Variants in SLC23A2 observed in about 807,000 individuals in gnomAD.
SLC23A2 encodes Na(+)/L-ascorbic acid transporter 2.
SLC23A2 carries 36 observed loss-of-function variants against 73.3 expected under a neutral mutation model. The observed-to-expected ratio is 0.49, with a 90% CI of 0.38 to 0.65. The LOEUF is 0.65. SLC23A2 is among the 30% of genes least tolerant of loss of function. The pLI is 0.00. For synonymous variants in SLC23A2, 343 were observed against 327.3 expected (o/e 1.05, Z -0.52); for missense variants, 507 against 841.6 (o/e 0.60, Z 4.92).
At chr20:4,990,703 C>G (rs1005205865) in intron 1 of SLC23A2, among the ~76,000 whole-genome samples, 1 of 148,334 alleles carries the variant, frequency 6.7e-6, no homozygotes, top group African/African-American at 2.5e-5. Flanking sequence ...AAAACAAGGC[C>G]GGGCACAGTG....
intron 2 of SLC23A2, among the ~76,000 whole-genome samples, chr20:4,939,109 T>C (rs2087003539): frequency 6.6e-6 from 1 of 152,158 alleles, no homozygotes; most frequent in African/African-American, 2.4e-5. Context: ...TTTTAAAAGA[T>C]GATTGTAACA....
intron 5 of SLC23A2, among the ~76,000 whole-genome samples, chr20:4,901,799 C>A (rs1187466619): frequency 3.3e-5 from 5 of 152,240 alleles, no homozygotes; most frequent in Non-Finnish European, 7.3e-5. Flanking sequence ...GGTGGGTTAA[C>A]TAGGCCAGGA....
intron 2 of SLC23A2, among the ~76,000 whole-genome samples, chr20:4,936,535 G>C (rs939006783): frequency 3.0e-4 from 46 of 152,120 alleles, no homozygotes; most frequent in African/African-American, 1.1e-3. Flanking sequence ...CGATCATCCT[G>C]CCTCAGCCTC....
chr20:4,939,559 C>T (rs1416623797), intron 2 of SLC23A2, among the ~76,000 whole-genome samples: 1 of 152,242 alleles, frequency 6.6e-6, no homozygotes, highest in Non-Finnish European at 1.5e-5. Context: ...CAAATGCCAG[C>T]GACAAGCATC....
intron 3 of SLC23A2, among the ~76,000 whole-genome samples, chr20:4,930,192 A>G (rs775419438): frequency 1.3e-5 from 2 of 152,158 alleles, no homozygotes; most frequent in African/African-American, 2.4e-5. Context: ...AGTGAAGGGA[A>G]GTGAGAGTGA....
chr20:4,889,281 CAA>C (rs1017183689), intron 6 of SLC23A2, among the ~76,000 whole-genome samples: 4 of 152,008 alleles, frequency 2.6e-5, no homozygotes, highest in Admixed American at 2.6e-4. Flanking sequence ...AGGTGCAAAA[CAA>C]GAGCCACAGG....
intron 9 of SLC23A2, among the ~76,000 whole-genome samples, chr20:4,882,237 T>G (rs1930916535): frequency 6.6e-6 from 1 of 151,918 alleles, no homozygotes; most frequent in Non-Finnish European, 1.5e-5. Context: ...TAGCCGGGTG[T>G]GGTGGTGGGT....
chr20:4,912,687 A>C (rs999902039), intron 4 of SLC23A2, among the ~76,000 whole-genome samples, 193 bp downstream of exon 4: 6 of 150,946 alleles, frequency 4.0e-5, no homozygotes, highest in Non-Finnish European at 5.9e-5. Context: ...AAAAAAAAAA[A>C]ACTAGTAACT....
chr20:4,975,885 G>A (rs1446783319), intron 1 of SLC23A2, among the ~76,000 whole-genome samples: 16 of 143,412 alleles, frequency 1.1e-4, no homozygotes, highest in Non-Finnish European at 2.3e-4. Flanking sequence ...ACAGAGTCTC[G>A]CTCTGTCGCC....
At chr20:4,917,265 C>G (rs1027607573) in intron 3 of SLC23A2, among the ~76,000 whole-genome samples, 2 of 152,134 alleles carry the variant, frequency 1.3e-5, no homozygotes, top group Non-Finnish European at 2.9e-5. Context: ...AAAGGAATGA[C>G]CCTTTGGCAC....
intron 3 of SLC23A2, among the ~76,000 whole-genome samples, chr20:4,930,975 ATT>A (rs201545727): frequency 2.4e-5 from 3 of 127,402 alleles, no homozygotes; most frequent in Admixed American, 8.8e-5. Flanking sequence ...GACTCAGTCT[ATT>A]TTTTTTTTTT....
intron 2 of SLC23A2, among the ~76,000 whole-genome samples, chr20:4,933,113 A>C (rs1932807144): frequency 6.6e-6 from 1 of 152,250 alleles, no homozygotes; most frequent in Admixed American, 6.5e-5. Context: ...AGAACCTGAA[A>C]TGTGCTTAGT....
At chr20:4,924,667 AC>A (rs1932611724) in intron 3 of SLC23A2, among the ~76,000 whole-genome samples, 1 of 151,580 alleles carries the variant, frequency 6.6e-6, no homozygotes, top group Non-Finnish European at 1.5e-5. Flanking sequence ...AACACCAGGC[AC>A]CCCCCTGCTG....
At chr20:4,963,808 A>T (rs2087430656) in intron 2 of SLC23A2, among the ~76,000 whole-genome samples, 1 of 152,192 alleles carries the variant, frequency 6.6e-6, no homozygotes. Flanking sequence ...AGATCGTGCC[A>T]CTGCACTCCA....
At chr20:4,877,370 T>A (rs2122812499) in intron 9 of SLC23A2, among the ~76,000 whole-genome samples, 1 of 152,290 alleles carries the variant, frequency 6.6e-6, no homozygotes, top group South Asian at 2.1e-4. Context: ...GCTGAATACA[T>A]TATAGACTAC....
At chr20:4,871,824 A>G (rs1858974010) in intron 11 of SLC23A2, among the ~76,000 whole-genome samples, 1 of 152,156 alleles carries the variant, frequency 6.6e-6, no homozygotes, top group South Asian at 2.1e-4. Flanking sequence ...GGCCTTCCTC[A>G]CCAAGGAACA....
At chr20:4,935,646 A>C (rs1241903640) in intron 2 of SLC23A2, among the ~76,000 whole-genome samples, 2 of 151,978 alleles carry the variant, frequency 1.3e-5, no homozygotes, top group Non-Finnish European at 2.9e-5. Flanking sequence ...AAAATACAAA[A>C]AAATTAGCCG....
Position 4,899,716 on chromosome 20 carries a change from T to G in SLC23A2, c.325-4A>C. ...CGCTGAAGCATGTCAGGTAGTGCTG[T>G]GGGCAGGAAAAGGGTCAGAGGAGAA... is the stretch of plus-strand genomic sequence containing the variant. On this transcript the variant is annotated splice_polypyrimidine_tract_variant and splice_region_variant and intron_variant, in intron 5 of 16. Transcript: ENST00000338244. The surrounding 1 kb of genome is among the most constrained non-coding windows in gnomAD (Gnocchi z 4.9). The G allele has an allele frequency of 6.2e-7, 1 of 1,613,990 alleles. No individual in the cohort carries two copies. Among genetic ancestry groups the G allele is most frequent in the Non-Finnish European group, 8.5e-7 (1 of 1,179,908 alleles).
At chr20:4,972,454 T>G (rs1433699330) in intron 1 of SLC23A2, among the ~76,000 whole-genome samples, 1 of 151,856 alleles carries the variant, frequency 6.6e-6, no homozygotes, top group Non-Finnish European at 1.5e-5. Context: ...AATTGATGTC[T>G]TTCCCTTTCT....
Sources: gnomAD v4.1 joint callset for allele counts (sites outside exome capture counted in the v4.1 genomes callset) on GRCh38, gnomAD v4.1.1 for gene constraint, Gnocchi (gnomAD v3.1) non-coding constraint, MANE v1.5 for transcripts, NCBI Gene and HGNC (gene_info 2026-07-23, HGNC 2026-07-21) for gene names.